The following PSMC6 variants were observed in gnomAD, a reference collection of about 807,000 sequenced individuals.
PSMC6 encodes the protein proteasome 26S subunit, ATPase 6.
Under a neutral mutation model 55.9 loss-of-function variants are expected in PSMC6, and 3 were observed. The ratio of observed to expected loss-of-function variants is 0.05; its 90% CI spans 0.02 to 0.14. PSMC6 has a LOEUF of 0.14. Ranked by LOEUF, PSMC6 falls within the 10% of genes least tolerant of loss-of-function variation. PSMC6 has a pLI of 1.00. For missense variants in PSMC6, 210 were observed against 478.7 expected, an observed-to-expected ratio of 0.44 and a Z score of 5.24; for synonymous variants, 137 against 155.9, an observed-to-expected ratio of 0.88 and a Z score of 0.90.
rs1181896496 is a variant in PSMC6, at chr14:52,707,324, C to A, written c.85+20C>A. On this transcript the variant is annotated intron_variant, in intron 1 of 13. Coordinates refer to ENST00000445930, the MANE Select transcript of PSMC6 (RefSeq NM_002806.5). ...AGGAGTGTGAGTGCACCTTTCTTTCCATTTAATCAAGTGCCTCGACTCGCT... is the reference window on the plus strand; with the variant it reads ...AGGAGTGTGAGTGCACCTTTCTTTCAATTTAATCAAGTGCCTCGACTCGCT... The A allele has an allele frequency of 1.9e-6, 3 of 1,613,448 alleles. No homozygotes were observed. Among genetic ancestry groups the A allele is most frequent in the Non-Finnish European group, 2.5e-6 (3 of 1,179,862 alleles).
rs772275442 is a variant in PSMC6 at position 52,707,207 on chromosome 14, A to G, written c.-13A>G. Reference sequence around the variant, plus strand: ...CCATTCCCGGCATCCCCTATGAGAGACGGCTTCTCATCATGGCGGACCCTA... The same window carrying G: ...CCATTCCCGGCATCCCCTATGAGAGGCGGCTTCTCATCATGGCGGACCCTA... On this transcript the variant is annotated 5_prime_UTR_variant, in exon 1 of 14. Transcript: ENST00000445930. 1 of 1,612,600 alleles carries G rather than the reference A, an allele frequency of 6.2e-7. No individual in the cohort carries two copies. Among genetic ancestry groups the G allele is most frequent in the Non-Finnish European group, 8.5e-7 (1 of 1,179,558 alleles).
intron 12 of PSMC6, chr14:52,721,588 G>C (rs930115752): frequency 1.3e-5 from 2 of 155,974 alleles, no homozygotes; most frequent in Non-Finnish European, 2.8e-5. Context: ...ACCGCTTGAG[G>C]CCAGGAGTTT....
chr14:52,710,785 C>A, intron 4 of PSMC6: 1 of 338,780 alleles, frequency 3.0e-6, no homozygotes, highest in Non-Finnish European at 5.5e-6. Flanking sequence ...AAAATGTTCA[C>A]TAAGGGATTT....
chr14:52,708,686 C>G, intron 3 of PSMC6, 78 bp from the exon 4 acceptor site: 1 of 1,590,068 alleles, frequency 6.3e-7, no homozygotes, highest in South Asian at 1.1e-5. Context: ...AGAAATACAA[C>G]TAAACCCTCT....
intron 7 of PSMC6, 186 bp downstream of exon 7, chr14:52,714,154 C>T (rs1010566343): frequency 7.0e-6 from 3 of 427,626 alleles, no homozygotes; most frequent in Admixed American, 8.3e-5. Flanking sequence ...GATTCTCCCA[C>T]CTCAGTCTCC....
intron 7 of PSMC6, 35 bp from the exon 8 acceptor site, chr14:52,718,046 T>TA (rs1231715667): frequency 6.2e-7 from 1 of 1,602,212 alleles, no homozygotes; most frequent in Non-Finnish European, 8.5e-7. Context: ...TTTTCTACCT[T>TA]ACCATCTAAT....
At chr14:52,707,524 C>T in intron 1 of PSMC6, 1 of 556,496 alleles carries the variant, frequency 1.8e-6, no homozygotes, top group Non-Finnish European at 3.1e-6. Flanking sequence ...CATCGGCGGC[C>T]TTGAGGTGAA....
chr14:52,712,435 G>A (rs1414920788), intron 6 of PSMC6, among the ~76,000 whole-genome samples: 1 of 150,090 alleles, frequency 6.7e-6, no homozygotes, highest in Non-Finnish European at 1.5e-5. Context: ...AACAGAGGAA[G>A]AACAGGTGCT....
intron 1 of PSMC6, 89 bp downstream of exon 1, chr14:52,707,393 C>G: frequency 6.4e-7 from 1 of 1,550,852 alleles, no homozygotes; most frequent in Non-Finnish European, 8.8e-7. Context: ...GCCCGGCAAC[C>G]GAGCCTTAGA....
In PSMC6 at chr14:52,727,712, T is replaced by C. The variant is rs544614086; in HGVS notation, c.*95T>C. ...AATGTATGTATTGGTAATGATGTCA[T>C]TAAAAGTATATGAATAAAAATATGA... On this transcript the variant is annotated 3_prime_UTR_variant, in exon 14 of 14. Coordinates refer to ENST00000445930, the MANE Select transcript of PSMC6 (RefSeq NM_002806.5). 45 of 709,458 alleles carry C rather than the reference T, an allele frequency of 6.3e-5. No individual in the cohort carries two copies. In the African/African-American group the frequency reaches 7.7e-4, roughly 12 times the overall value. 43.9% of individuals were successfully genotyped at this position (709,458 alleles called of 1,614,324 possible).
Position 52,708,847 on chromosome 14 carries a change from G to C in PSMC6, c.258+31G>C, listed in dbSNP as rs1594846509. 2.5e-6 allele frequency: 4 copies of C among 1,607,332 alleles called. No individual in the cohort carries two copies. In the East Asian group the frequency reaches 6.7e-5, roughly 27 times the overall value. The stretch of plus-strand genomic sequence containing the variant: ...ACTTTATATTTGTATAGTGCCTGAT[G>C]ATTGACAAAGCAGTTTCATGTAAGT... On this transcript the variant is annotated intron_variant, in intron 4 of 13. Coordinates refer to ENST00000445930, the MANE Select transcript of PSMC6 (RefSeq NM_002806.5).
At chr14:52,713,439 T>C (rs2139841509) in intron 6 of PSMC6, among the ~76,000 whole-genome samples, 1 of 152,342 alleles carries the variant, frequency 6.6e-6, no homozygotes, top group South Asian at 2.1e-4. Flanking sequence ...TCCCCCATTT[T>C]AGAATTATTT....
intron 7 of PSMC6, among the ~76,000 whole-genome samples, chr14:52,714,479 T>C (rs539941156): frequency 1.3e-5 from 2 of 152,344 alleles, no homozygotes; most frequent in East Asian, 1.9e-4. Context: ...TAACAGGCCA[T>C]GTGATTCTAG....
chr14:52,712,257 C>T (rs547299349), intron 6 of PSMC6, among the ~76,000 whole-genome samples: 7 of 151,886 alleles, frequency 4.6e-5, no homozygotes, highest in Non-Finnish European at 7.4e-5. Flanking sequence ...CATTACTAGG[C>T]CCTCTGAGTG....
At chr14:52,724,095 GT>G in intron 13 of PSMC6, 59 bp downstream of exon 13, 1 of 1,490,320 alleles carries the variant, frequency 6.7e-7, no homozygotes, top group Non-Finnish European at 9.3e-7. Flanking sequence ...TGCTGAAACT[GT>G]TTTGAGTTTA....
At chr14:52,721,354 T>G in intron 12 of PSMC6, 164 bp downstream of exon 12, 1 of 572,834 alleles carries the variant, frequency 1.7e-6, no homozygotes, top group South Asian at 3.0e-5. Flanking sequence ...TAGGAACCAT[T>G]GTAAGTGTTT....
At position 52,721,171 on chromosome 14, in the gene PSMC6, T is replaced by C; in HGVS notation, c.960T>C (p.Ile320=). 1 of 1,590,320 alleles carries C rather than the reference T, an allele frequency of 6.3e-7. No individual in the cohort carries two copies. The highest frequency in any genetic ancestry group is 2.2e-5 in the East Asian group (1 of 44,608). ...TACTGAAAATCCATGCAGGTCCCAT[T>C]ACAAAGCATGGTGAAATAGGTAAGG... ...LDILKIHAGP[I]TKHGEIDYEA... The change falls in exon 12 of 14, where the codon ATT becomes ATC. Residue 320 remains isoleucine (I), a synonymous_variant. Transcript: ENST00000445930.
chr14:52,707,406 T>G lies in PSMC6; in HGVS notation c.85+102T>G. 3 of 1,494,918 alleles carry G rather than the reference T, an allele frequency of 2.0e-6. No individual in the cohort carries two copies. The South Asian group carries it at 3.7e-5, about 18-fold the overall frequency. The allele number at this position is 1,494,918 out of a possible 1,614,324, so 92.6% of individuals were successfully genotyped here. ...GAGCCCGGCAACCGAGCCTTAGAGA[T>G]GACCAGGCCTAGGGCCAGGGACAAG... On this transcript the variant is annotated intron_variant, in intron 1 of 13. Coordinates refer to ENST00000445930, the MANE Select transcript of PSMC6 (RefSeq NM_002806.5).
Position 52,720,367 on chromosome 14 carries a change from CAAAAAAAAAAAAAAAAAA to C in PSMC6, c.778-481_778-464del, listed in dbSNP as rs71444775. ...TGGGTGACAGAGTGAAACTCTGTCT[CAAAAAAAAAAAAAAAAAA>C]AAAAAAAAAAAATTATCAGTTTATT... On this transcript the variant is annotated intron_variant, in intron 10 of 13. Coordinates refer to ENST00000445930, the MANE Select transcript of PSMC6 (RefSeq NM_002806.5). Among the ~76,000 whole-genome samples the C allele has an allele frequency of 3.3e-3, 136 of 41,488 alleles. 2 individuals carry two copies. The highest frequency in any genetic ancestry group is 0.012 in the African/African-American group (132 of 11,258). The allele number at this position is 41,488 out of a possible 152,430, so 27.2% of individuals were successfully genotyped here.
Sources: gnomAD v4.1 joint callset for allele counts (sites outside exome capture counted in the v4.1 genomes callset) on GRCh38, gnomAD v4.1.1 for gene constraint, MANE v1.5 for transcripts, NCBI Gene and HGNC (gene_info 2026-07-23, HGNC 2026-07-21) for gene names.